AFF3: variants seen among roughly 807,000 people sequenced by gnomAD.
AFF3 encodes the protein ALF transcription elongation factor 3.
Under a neutral mutation model 129.7 loss-of-function variants are expected in AFF3, and 32 were observed. The ratio of observed to expected loss-of-function variants is 0.25; its 90% CI spans 0.19 to 0.33. The LOEUF (loss-of-function observed/expected upper bound fraction) is 0.33, where lower values mean the gene tolerates loss of function less well. Among genes scored for constraint, AFF3 ranks in the 10% least tolerant of loss-of-function variants. The pLI is 1.00. For missense variants in AFF3, 1,373 were observed against 1,592.0 expected, an observed-to-expected ratio of 0.86 and a Z score of 2.34; for synonymous variants, 644 against 635.4, an observed-to-expected ratio of 1.01 and a Z score of -0.20.
intron 12 of AFF3, among the ~76,000 whole-genome samples, chr2:99,668,199 A>G (rs1400619556): frequency 6.6e-6 from 1 of 151,822 alleles, no homozygotes; most frequent in African/African-American, 2.4e-5. Context: ...CCCGAGATGG[A>G]GTCATGCTGT....
chr2:99,649,641 C>T lies in AFF3; in HGVS notation c.1169G>A (p.Arg390His), dbSNP rs201587401. The change falls in exon 13 of 25, where the codon CGC becomes CAC. Residue 390 changes from arginine to histidine, a missense_variant. Arg to His is a conservative substitution (Grantham distance 29). Around this residue, in one of 9 missense-constraint regions of AFF3, gnomAD observed 413 missense variants for 424.4 expected, o/e 0.97. Coordinates refer to ENST00000672756, the MANE Select transcript of AFF3 (RefSeq NM_001386135.1). ...CAAAATGTACCTGTCAGAGAGAGCGCGGAGAGCCGTTCTCTGAGCTGCCTG... is the reference window on the plus strand; with the variant it reads ...CAAAATGTACCTGTCAGAGAGAGCGTGGAGAGCCGTTCTCTGAGCTGCCTG... ...EQQAAQRTALRALSDSAVVQQ... is the reference protein window; with the variant it reads ...EQQAAQRTALHALSDSAVVQQ... 29 of 1,614,038 alleles carry T rather than the reference C, an allele frequency of 1.8e-5. No individual in the cohort carries two copies. The highest frequency in any genetic ancestry group is 4.5e-5 in the East Asian group (2 of 44,886).
At chr2:99,951,221 T>G (rs1437701535) in intron 7 of AFF3, among the ~76,000 whole-genome samples, 2 of 152,226 alleles carry the variant, frequency 1.3e-5, no homozygotes, top group African/African-American at 4.8e-5. Flanking sequence ...CTTTCTGATT[T>G]TGTATTCATA....
chr2:100,054,422 G>C (rs1210733930), intron 4 of AFF3, among the ~76,000 whole-genome samples: 2 of 152,216 alleles, frequency 1.3e-5, no homozygotes, highest in African/African-American at 4.8e-5. Flanking sequence ...AGCCAGAACA[G>C]AATCAAAAGG....
chr2:99,792,188 G>A (rs1053945375), intron 8 of AFF3, among the ~76,000 whole-genome samples: 2 of 152,084 alleles, frequency 1.3e-5, no homozygotes, highest in African/African-American at 4.8e-5. Flanking sequence ...AATGAGAATG[G>A]ACAGCATATG....
chr2:100,105,699 T>C, intron 2 of AFF3, 116 bp from the exon 3 acceptor site: 1 of 1,357,324 alleles, frequency 7.4e-7, no homozygotes, highest in South Asian at 1.2e-5. Flanking sequence ...GAAGCGCATG[T>C]CTCCATCAGG....
intron 4 of AFF3, among the ~76,000 whole-genome samples, chr2:100,061,014 A>G (rs946338778): frequency 5.9e-5 from 9 of 152,146 alleles, no homozygotes; most frequent in African/African-American, 2.2e-4. Flanking sequence ...GGTTTGACTG[A>G]TGCTTTTCTC....
intron 13 of AFF3, among the ~76,000 whole-genome samples, chr2:99,618,886 TC>T (rs1296032248): frequency 2.5e-5 from 3 of 120,712 alleles, no homozygotes; most frequent in African/African-American, 1.0e-4. Context: ...TACAGATAGC[TC>T]TGATCGATTC....
At chr2:99,814,412 T>C (rs973061574) in intron 8 of AFF3, among the ~76,000 whole-genome samples, 1 of 152,082 alleles carries the variant, frequency 6.6e-6, no homozygotes, top group South Asian at 2.1e-4. Flanking sequence ...AGACAAAATA[T>C]ACTACTGCAT....
chr2:99,914,112 G>A (rs1454738263), intron 7 of AFF3, among the ~76,000 whole-genome samples: 1 of 152,140 alleles, frequency 6.6e-6, no homozygotes, highest in African/African-American at 2.4e-5. Flanking sequence ...TAACTTCAGT[G>A]GAGAAACTTG....
At chr2:100,141,730 T>C (rs555411770) in intron 1 of AFF3, among the ~76,000 whole-genome samples, 1 of 152,318 alleles carries the variant, frequency 6.6e-6, no homozygotes, top group African/African-American at 2.4e-5. Context: ...TGCTATTAGT[T>C]CTCTTTGGTT....
At chr2:99,952,519 C>T (rs966995692) in intron 7 of AFF3, among the ~76,000 whole-genome samples, 7 of 152,164 alleles carry the variant, frequency 4.6e-5, no homozygotes, top group African/African-American at 1.2e-4. Context: ...ATCATGAAAG[C>T]GCCCTGCCTT....
chr2:100,055,462 T>TAAAAAAA (rs55713850), intron 4 of AFF3, among the ~76,000 whole-genome samples: 374 of 128,446 alleles, frequency 2.9e-3, no homozygotes, highest in African/African-American at 0.011. Context: ...CTAGAAATCT[T>TAAAAAAA]AAAAAAAAAA....
Position 99,879,749 on chromosome 2 carries a change from G to A in AFF3, c.874-42225C>T, listed in dbSNP as rs78085645. Among the ~76,000 whole-genome samples the A allele has an allele frequency of 8.0e-3, 1,218 of 152,252 alleles. 8 individuals carry two copies. The highest frequency in any genetic ancestry group is 0.034 in the Middle Eastern group (10 of 294). On this transcript the variant is annotated intron_variant, in intron 7 of 24. Coordinates refer to ENST00000672756, the MANE Select transcript of AFF3 (RefSeq NM_001386135.1). ...CCCAAGGACCATATCTGTGCTCTGC[G>A]ACCTAAATACAGAAACCCTAGTCTT...
intron 7 of AFF3, among the ~76,000 whole-genome samples, chr2:99,869,426 G>A (rs1230495822): frequency 6.6e-6 from 1 of 151,946 alleles, no homozygotes; most frequent in Non-Finnish European, 1.5e-5. Context: ...TAGAGCTGGA[G>A]GGTGGGGGTG....
At chr2:99,589,621 G>C (rs1202117966) in intron 15 of AFF3, among the ~76,000 whole-genome samples, 1 of 151,902 alleles carries the variant, frequency 6.6e-6, no homozygotes, top group Non-Finnish European at 1.5e-5. Flanking sequence ...GGATGGTCTC[G>C]ATCTCTTGAT....
chr2:99,854,278 G>GT (rs1460479470), intron 7 of AFF3, among the ~76,000 whole-genome samples: 2 of 150,496 alleles, frequency 1.3e-5, no homozygotes, highest in African/African-American at 2.4e-5. Context: ...ATAGATGAGC[G>GT]TTACTGATGT....
chr2:99,968,374 T>G (rs1424877468), intron 7 of AFF3, among the ~76,000 whole-genome samples: 1 of 152,182 alleles, frequency 6.6e-6, no homozygotes, highest in Non-Finnish European at 1.5e-5. Context: ...CTAACCCAAT[T>G]GCAATTATCC....
rs140936939 is a variant in AFF3 at position 99,846,851 on chromosome 2, T to C, written c.874-9327A>G. ...GTTCTTTATGGATCTTTCTCTCCAT[T>C]ATCATCTGACCTTCCCCACGGGGTC... On this transcript the variant is annotated intron_variant, in intron 7 of 24. Transcript: ENST00000672756. 1.8e-3 allele frequency among the ~76,000 whole-genome samples: 275 copies of C among 152,350 alleles called. 1 individual carries two copies. The highest frequency in any genetic ancestry group is 6.4e-3 in the African/African-American group (267 of 41,586).
intron 8 of AFF3, among the ~76,000 whole-genome samples, chr2:99,763,116 G>A (rs376449464): frequency 7.6e-4 from 116 of 152,352 alleles, no homozygotes; most frequent in Middle Eastern, 3.4e-3. Context: ...GATCAAGTGG[G>A]AGACACATAT....
Sources: allele counts gnomAD v4.1 joint callset (sites outside exome capture counted in the v4.1 genomes callset), GRCh38; gene constraint gnomAD v4.1.1; regional missense constraint gnomAD v4.1.1; transcripts MANE v1.5; gene names NCBI Gene and HGNC (gene_info 2026-07-23, HGNC 2026-07-21).